PIWIL4: variants seen among roughly 807,000 people sequenced by gnomAD.
The protein encoded by PIWIL4 is piwi-like protein 4.
In PIWIL4, 50 loss-of-function variants were observed where a neutral mutation model predicts 100.9. The ratio of observed to expected loss-of-function variants is 0.50; its 90% CI spans 0.39 to 0.63. The LOEUF (loss-of-function observed/expected upper bound fraction) is 0.63. Among genes scored for constraint, PIWIL4 ranks in the 20% least tolerant of loss-of-function variants. PIWIL4 has a pLI of 0.00. For synonymous variants in PIWIL4, 342 were observed against 367.5 expected (o/e 0.93, Z 0.79); for missense variants, 887 against 1,043.3 (o/e 0.85, Z 2.06).
chr11:94,581,020 C>T (rs1041153884), intron 4 of PIWIL4, among the ~76,000 whole-genome samples: 3 of 151,680 alleles, frequency 2.0e-5, no homozygotes, highest in Non-Finnish European at 4.4e-5. Flanking sequence ...CTGCCTCAGC[C>T]TCCTGAGTAG....
chr11:94,595,875 T>C (rs1483298771), intron 10 of PIWIL4, among the ~76,000 whole-genome samples: 2 of 152,212 alleles, frequency 1.3e-5, no homozygotes, highest in Non-Finnish European at 2.9e-5. Context: ...ATTTGAGATA[T>C]ACCTTTGTGC....
intron 19 of PIWIL4, among the ~76,000 whole-genome samples, chr11:94,620,539 A>T (rs951811562): frequency 6.6e-6 from 1 of 152,176 alleles, no homozygotes; most frequent in Non-Finnish European, 1.5e-5. Flanking sequence ...GTTCCTGTGC[A>T]TTAGGCCAAG....
intron 10 of PIWIL4, 38 bp downstream of exon 10, chr11:94,595,464 T>G (rs979597468): frequency 6.6e-7 from 1 of 1,505,590 alleles, no homozygotes; most frequent in Non-Finnish European, 9.2e-7. Flanking sequence ...TGGGGCTGAG[T>G]TTTTAGTATT....
At chr11:94,615,163 C>T (rs10831252) in intron 15 of PIWIL4, among the ~76,000 whole-genome samples, 46,758 of 151,972 alleles carry the variant, frequency 0.31, 7,565 homozygotes, top group East Asian at 0.37. Flanking sequence ...TTTCCTGCCC[C>T]CAGACTCTCC....
chr11:94,619,992 C>G lies in PIWIL4; in HGVS notation c.2295-5C>G, dbSNP rs777977016. The G allele has an allele frequency of 1.9e-6, 3 of 1,614,040 alleles. No individual in the cohort carries two copies. The highest frequency in any genetic ancestry group is 2.5e-6 in the Non-Finnish European group (3 of 1,180,024). On this transcript the variant is annotated splice_region_variant and splice_polypyrimidine_tract_variant and intron_variant, in intron 18 of 19. Coordinates refer to ENST00000299001, the MANE Select transcript of PIWIL4 (RefSeq NM_152431.3). The stretch of plus-strand genomic sequence containing the variant: ...TTCCTACATTCATTCCATTTTCCCC[C>G]TCAGGTATGACTTTTATCTGATCAG...
chr11:94,603,213 A>C (rs1337910713), intron 12 of PIWIL4, among the ~76,000 whole-genome samples: 1 of 152,142 alleles, frequency 6.6e-6, no homozygotes, highest in African/African-American at 2.4e-5. Flanking sequence ...CGGTTCGGCC[A>C]GCCAGTCACA....
chr11:94,572,214 A>G (rs1053632187), intron 2 of PIWIL4, among the ~76,000 whole-genome samples: 9 of 152,136 alleles, frequency 5.9e-5, no homozygotes, highest in African/African-American at 1.7e-4. Flanking sequence ...GTAGATTGCA[A>G]AAATTTTCTC....
intron 15 of PIWIL4, among the ~76,000 whole-genome samples, chr11:94,616,159 G>T (rs890716976): frequency 2.6e-5 from 4 of 152,120 alleles, no homozygotes; most frequent in Admixed American, 1.3e-4. Context: ...AACCCTATGA[G>T]GTAGTAACTA....
Position 94,567,379 on chromosome 11 carries a change from C to T in PIWIL4, c.-140C>T. 2 of 738,686 alleles carry T rather than the reference C, an allele frequency of 2.7e-6. No homozygotes were observed. Among genetic ancestry groups the T allele is most frequent in the Non-Finnish European group, 4.1e-6 (2 of 486,328 alleles). 45.8% of individuals were successfully genotyped at this position (738,686 alleles called of 1,614,324 possible). On this transcript the variant is annotated 5_prime_UTR_variant, in exon 1 of 20. Transcript: ENST00000299001. Reference sequence around the variant, plus strand: ...CACGGGCCTCGGACGCATTTCCAGCCCCGGCGTTGGTTGTGGATGCTGGAC... The same window carrying T: ...CACGGGCCTCGGACGCATTTCCAGCTCCGGCGTTGGTTGTGGATGCTGGAC...
At chr11:94,594,779 G>A (rs1043686356) in intron 9 of PIWIL4, among the ~76,000 whole-genome samples, 1 of 152,058 alleles carries the variant, frequency 6.6e-6, no homozygotes. Context: ...TGATCCACCC[G>A]CCTCGGCCTC....
intron 2 of PIWIL4, among the ~76,000 whole-genome samples, chr11:94,569,116 C>T (rs1304919527): frequency 2.0e-5 from 3 of 152,152 alleles, no homozygotes; most frequent in African/African-American, 7.2e-5. Context: ...ACCATTTGAT[C>T]CAGCAACCCC....
chr11:94,609,683 CT>C (rs1445668463), intron 15 of PIWIL4, among the ~76,000 whole-genome samples: 1 of 151,890 alleles, frequency 6.6e-6, no homozygotes, highest in Non-Finnish European at 1.5e-5. Context: ...TAGGGATCCA[CT>C]TTAGTTTTTT....
chr11:94,583,669 GC>G, intron 5 of PIWIL4, 100 bp downstream of exon 5: 2 of 1,492,392 alleles, frequency 1.3e-6, no homozygotes, highest in African/African-American at 2.8e-5. Context: ...CAGTGTGCCA[GC>G]AGTGATGCCA....
chr11:94,583,262 T>A (rs1948351121), intron 4 of PIWIL4, among the ~76,000 whole-genome samples, 186 bp from the exon 5 acceptor site: 1 of 152,172 alleles, frequency 6.6e-6, no homozygotes, highest in Non-Finnish European at 1.5e-5. Context: ...GTTGTTTTTT[T>A]AGGATTGGCA....
intron 2 of PIWIL4, among the ~76,000 whole-genome samples, chr11:94,571,465 G>A (rs2135233905): frequency 6.6e-6 from 1 of 152,174 alleles, no homozygotes; most frequent in South Asian, 2.1e-4. Flanking sequence ...GCCCTGGTGT[G>A]TGATGTTCCC....
intron 10 of PIWIL4, 69 bp downstream of exon 10, chr11:94,595,495 A>T: frequency 2.5e-6 from 3 of 1,178,340 alleles, no homozygotes; most frequent in Non-Finnish European, 3.7e-6. Context: ...TGTAACACTG[A>T]TATATTCCTT....
chr11:94,588,400 G>A (rs1021813808), intron 7 of PIWIL4, among the ~76,000 whole-genome samples: 1 of 152,276 alleles, frequency 6.6e-6, no homozygotes, highest in Middle Eastern at 3.4e-3. Context: ...ATAGCAGAGG[G>A]GTGGGACTGG....
At chr11:94,617,889 G>A (rs1240596356) in intron 16 of PIWIL4, 65 bp from the exon 17 acceptor site, 3 of 1,539,996 alleles carry the variant, frequency 1.9e-6, no homozygotes, top group South Asian at 2.2e-5. Context: ...TGCAATATAT[G>A]GGAATGTTAT....
intron 11 of PIWIL4, among the ~76,000 whole-genome samples, chr11:94,599,184 A>G (rs1359401947): frequency 6.6e-6 from 1 of 152,244 alleles, no homozygotes; most frequent in Non-Finnish European, 1.5e-5. Context: ...TCAGATCCAC[A>G]TGTGAAGAAG....
Sources: allele counts gnomAD v4.1 joint callset (sites outside exome capture counted in the v4.1 genomes callset), GRCh38; gene constraint gnomAD v4.1.1; transcripts MANE v1.5; gene names NCBI Gene and HGNC (gene_info 2026-07-23, HGNC 2026-07-21).